Variants in PTPN13 observed in about 807,000 individuals in gnomAD.
PTPN13 encodes the protein tyrosine-protein phosphatase non-receptor type 13.
In PTPN13, 191 loss-of-function variants were observed where a neutral mutation model predicts 284.0. The observed-to-expected ratio is 0.67, with a 90% CI of 0.60 to 0.76. The LOEUF is 0.76. Ranked by LOEUF, PTPN13 falls within the 30% of genes least tolerant of loss-of-function variation. PTPN13 has a pLI of 0.00. For synonymous variants in PTPN13, 986 were observed against 1,022.3 expected, an observed-to-expected ratio of 0.96 and a Z score of 0.68; for missense variants, 2,797 against 2,939.9, an observed-to-expected ratio of 0.95 and a Z score of 1.12.
chr4:86,605,621 G>A (rs780058244), intron 1 of PTPN13, among the ~76,000 whole-genome samples: 1 of 151,742 alleles, frequency 6.6e-6, no homozygotes, highest in Non-Finnish European at 1.5e-5. Context: ...TTGATGAATA[G>A]AAATAAAAAT....
At chr4:86,700,606 T>C (rs1190173611) in intron 6 of PTPN13, among the ~76,000 whole-genome samples, 1 of 152,146 alleles carries the variant, frequency 6.6e-6, no homozygotes, top group Admixed American at 6.5e-5. Flanking sequence ...TGCATGAGGG[T>C]CTGCCATGGA....
In PTPN13 at chr4:86,774,359, C is replaced by T. The variant is rs773678958; in HGVS notation, c.5350-14C>T. On this transcript the variant is annotated splice_polypyrimidine_tract_variant and intron_variant, in intron 32 of 47. Coordinates refer to ENST00000411767, the MANE Select transcript of PTPN13 (RefSeq NM_080683.3). Reference sequence around the variant, plus strand: ...AATAGACAACCTAAAAGTATTACTGCTTTTTTCCCTTAGGAAGTAGAACTC... The same window carrying T: ...AATAGACAACCTAAAAGTATTACTGTTTTTTTCCCTTAGGAAGTAGAACTC... The T allele has an allele frequency of 6.3e-7, 1 of 1,596,364 alleles. No individual in the cohort carries two copies. Among genetic ancestry groups the T allele is most frequent in the Admixed American group, 1.7e-5 (1 of 57,654 alleles).
At chr4:86,617,266 C>T (rs567513221) in intron 1 of PTPN13, among the ~76,000 whole-genome samples, 13 of 152,152 alleles carry the variant, frequency 8.5e-5, no homozygotes, top group East Asian at 7.7e-4. Flanking sequence ...AAATTCAATT[C>T]GTCTGTTGCA....
rs778665053 is a variant in PTPN13 at position 86,689,187 on chromosome 4, T to A, written c.543T>A (p.Ser181=). 6.2e-7 allele frequency: 1 copy of A among 1,610,324 alleles called. No individual in the cohort carries two copies. The highest frequency in any genetic ancestry group is 1.1e-5 in the South Asian group (1 of 90,946). ...TAAAACTGGTTCTGGGAAATCTTTC[T>A]GGGGTAAGCTACAGTTACAATAGTA... ...HLVKLVLGNL[S]GTDQLSCNSE... Residue 181 remains serine (S), a synonymous_variant, in exon 5 of 48, where the codon TCT becomes TCA. Coordinates refer to ENST00000411767, the MANE Select transcript of PTPN13 (RefSeq NM_080683.3).
Position 86,674,738 on chromosome 4 carries a change from G to GT in PTPN13, c.294+2196dup, listed in dbSNP as rs147422077. ...ATGAAGTATTTGAAAAGAATTTTTT[G>GT]TATGTTACGGAGTAGATATGGTCTT... On this transcript the variant is annotated intron_variant, in intron 3 of 47. Coordinates refer to ENST00000411767, the MANE Select transcript of PTPN13 (RefSeq NM_080683.3). Among the ~76,000 whole-genome samples the GT allele has an allele frequency of 3.6e-3, 555 of 152,272 alleles. 2 individuals carry two copies. The highest frequency in any genetic ancestry group is 0.013 in the African/African-American group (532 of 41,570).
chr4:86,603,252 T>G (rs955911976), intron 1 of PTPN13, among the ~76,000 whole-genome samples: 2 of 152,194 alleles, frequency 1.3e-5, no homozygotes, highest in Non-Finnish European at 2.9e-5. Flanking sequence ...AAAAGAAGAT[T>G]CCAAAAATAT....
intron 1 of PTPN13, among the ~76,000 whole-genome samples, chr4:86,598,151 CTT>C (rs56694801): frequency 3.5e-5 from 5 of 141,366 alleles, no homozygotes; most frequent in Non-Finnish European, 1.6e-5. Context: ...CTTTGTTGTG[CTT>C]TTTTTTTTTT....
chr4:86,808,625 T>G (rs1578731275), intron 45 of PTPN13, among the ~76,000 whole-genome samples: 1 of 152,338 alleles, frequency 6.6e-6, no homozygotes, highest in Middle Eastern at 3.4e-3. Context: ...TCTCTCATAA[T>G]TTTTGATTCA....
In PTPN13 at chr4:86,634,570, G is replaced by A. The variant is rs138705284; in HGVS notation, c.-5-682G>A. On this transcript the variant is annotated intron_variant, in intron 1 of 47. Coordinates refer to ENST00000411767, the MANE Select transcript of PTPN13 (RefSeq NM_080683.3). ...ATATCAAAGCATGTTCACAAGCATAGCCACTTCCCTTGTCATAGCCACCCA... is the reference window on the plus strand; with the variant it reads ...ATATCAAAGCATGTTCACAAGCATAACCACTTCCCTTGTCATAGCCACCCA... Among the ~76,000 whole-genome samples the A allele has an allele frequency of 3.4e-3, 513 of 152,196 alleles. 1 individual carries two copies. The highest frequency in any genetic ancestry group is 0.012 in the African/African-American group (496 of 41,534).
chr4:86,807,812 T>C lies in PTPN13; in HGVS notation c.6998T>C (p.Val2333Ala). ...AACATCCTAGGCAAAACAACAATGG[T>C]CAGCAACAGACTTCGACTGGCTCTT... is the stretch of plus-strand genomic sequence containing the variant. ...WPNILGKTTMVSNRLRLALVR... is the reference protein window; with the variant it reads ...WPNILGKTTMASNRLRLALVR... The change falls in exon 45 of 48, where the codon GTC becomes GCC. Residue 2333 changes from valine to alanine, a missense_variant. Val to Ala is a moderately conservative substitution (Grantham distance 64, BLOSUM62 0). Coordinates refer to ENST00000411767, the MANE Select transcript of PTPN13 (RefSeq NM_080683.3). 1 of 1,614,028 alleles carries C rather than the reference T, an allele frequency of 6.2e-7. No homozygotes were observed. Among genetic ancestry groups the C allele is most frequent in the Non-Finnish European group, 8.5e-7 (1 of 1,179,888 alleles).
rs1269032284 is a variant in PTPN13 at position 86,628,131 on chromosome 4, T to C, written c.-5-7121T>C. Among the ~76,000 whole-genome samples the C allele has an allele frequency of 2.6e-5, 4 of 152,170 alleles. No individual in the cohort carries two copies. In the South Asian group the frequency reaches 8.3e-4, roughly 31 times the overall value. ...GTGTATATTTAACTTTTTAAGAAACTATATTAACAGTTTTCCAAAGTGTGC... is the reference window on the plus strand; with the variant it reads ...GTGTATATTTAACTTTTTAAGAAACCATATTAACAGTTTTCCAAAGTGTGC... On this transcript the variant is annotated intron_variant, in intron 1 of 47. Transcript: ENST00000411767.
chr4:86,727,360 A>G (rs1734398023), intron 10 of PTPN13, among the ~76,000 whole-genome samples: 1 of 149,410 alleles, frequency 6.7e-6, no homozygotes, highest in African/African-American at 2.4e-5. Flanking sequence ...CTCTTTTTCT[A>G]TTCATTGGAA....
chr4:86,686,431 T>C (rs897341140), intron 3 of PTPN13, among the ~76,000 whole-genome samples: 1 of 152,150 alleles, frequency 6.6e-6, no homozygotes, highest in Admixed American at 6.5e-5. Context: ...GAATATATAT[T>C]CGTATTTGCT....
At chr4:86,666,043 A>C (rs1175908721) in intron 2 of PTPN13, among the ~76,000 whole-genome samples, 1 of 152,080 alleles carries the variant, frequency 6.6e-6, no homozygotes. Context: ...CTTACCTATG[A>C]TGTAACAATG....
intron 40 of PTPN13, among the ~76,000 whole-genome samples, chr4:86,786,652 TA>T: frequency 6.6e-6 from 1 of 152,196 alleles, no homozygotes. Context: ...ATAATTACAG[TA>T]AAAATAGGCT....
intron 44 of PTPN13, 88 bp from the exon 45 acceptor site, chr4:86,807,472 C>A: frequency 1.0e-6 from 1 of 985,928 alleles, no homozygotes; most frequent in Non-Finnish European, 1.5e-6. Flanking sequence ...ATGAGAATTT[C>A]TCATGATCTT....
chr4:86,770,009 G>A (rs1468432984), intron 29 of PTPN13, 26 bp downstream of exon 29: 7 of 1,612,616 alleles, frequency 4.3e-6, no homozygotes, highest in Admixed American at 3.3e-5. Context: ...GTGGAGTATA[G>A]CATTTTTAAT....
chr4:86,712,352 A>G (rs1197585867), intron 7 of PTPN13, among the ~76,000 whole-genome samples: 1 of 151,528 alleles, frequency 6.6e-6, no homozygotes, highest in Non-Finnish European at 1.5e-5. Flanking sequence ...TGTGCAGGTC[A>G]TCTCAGAGAA....
intron 2 of PTPN13, among the ~76,000 whole-genome samples, chr4:86,640,214 G>C (rs769813526): frequency 6.6e-6 from 1 of 152,122 alleles, no homozygotes; most frequent in Non-Finnish European, 1.5e-5. Context: ...TTAATTTAAA[G>C]AAAATTTATT....
Sources: gnomAD v4.1 joint callset for allele counts (sites outside exome capture counted in the v4.1 genomes callset) on GRCh38, gnomAD v4.1.1 for gene constraint, MANE v1.5 for transcripts, NCBI Gene and HGNC (gene_info 2026-07-23, HGNC 2026-07-21) for gene names.